Variants in DYM observed in about 807,000 individuals in gnomAD.
DYM encodes the protein dymeclin, also known as dyggve-Melchior-Clausen syndrome protein.
Under a neutral mutation model 93.1 loss-of-function variants are expected in DYM, and 78 were observed. The observed-to-expected ratio is 0.84, with a 90% confidence interval of 0.70 to 1.01. DYM has a LOEUF of 1.01. DYM is among the 50% of genes least tolerant of loss of function. The pLI is 0.00. For missense variants in DYM, 789 were observed against 845.0 expected (o/e 0.93, Z 0.82); for synonymous variants, 321 against 319.7 (o/e 1.00, Z -0.04).
chr18:49,408,649 A>G (rs1367479092), intron 2 of DYM, among the ~76,000 whole-genome samples: 2 of 152,234 alleles, frequency 1.3e-5, no homozygotes, highest in Non-Finnish European at 2.9e-5. Flanking sequence ...AAGCAAGCAT[A>G]AAGCTTTATT....
chr18:49,286,104 CTT>C (rs1350445353), intron 9 of DYM, among the ~76,000 whole-genome samples: 1 of 152,038 alleles, frequency 6.6e-6, no homozygotes, highest in African/African-American at 2.4e-5. Flanking sequence ...AGAACACAGA[CTT>C]TAACTGAAAA....
At chr18:49,213,314 G>A (rs1461662467) in intron 13 of DYM, among the ~76,000 whole-genome samples, 2 of 96,870 alleles carry the variant, frequency 2.1e-5, no homozygotes, top group South Asian at 6.2e-4. Context: ...TTTTTTTTTT[G>A]GAGATGGAGT....
At chr18:49,129,559 G>A (rs1210352621) in intron 15 of DYM, among the ~76,000 whole-genome samples, 1 of 152,214 alleles carries the variant, frequency 6.6e-6, no homozygotes, top group Non-Finnish European at 1.5e-5. Flanking sequence ...CAGCTAAAAT[G>A]TTGATGAATT....
chr18:49,106,424 ATG>A (rs1371873993), intron 16 of DYM, among the ~76,000 whole-genome samples: 1 of 152,124 alleles, frequency 6.6e-6, no homozygotes, highest in Admixed American at 6.5e-5. Context: ...TAATATTGTT[ATG>A]TGTGAATTTG....
At chr18:49,219,025 G>A (rs1444243862) in intron 13 of DYM, among the ~76,000 whole-genome samples, 2 of 152,040 alleles carry the variant, frequency 1.3e-5, no homozygotes, top group South Asian at 2.1e-4. Context: ...TAATAAAGAC[G>A]AAAACAGAGA....
intron 14 of DYM, among the ~76,000 whole-genome samples, chr18:49,190,029 C>A (rs1236066547): frequency 6.6e-6 from 1 of 152,210 alleles, no homozygotes; most frequent in Non-Finnish European, 1.5e-5. Context: ...CAATAGCTGC[C>A]TGCTACAGTA....
intron 15 of DYM, among the ~76,000 whole-genome samples, chr18:49,133,509 T>C (rs2083561572): frequency 6.6e-6 from 1 of 152,230 alleles, no homozygotes; most frequent in Non-Finnish European, 1.5e-5. Flanking sequence ...AGGGTTCTTT[T>C]CTGGGAGCTC....
intron 3 of DYM, among the ~76,000 whole-genome samples, chr18:49,387,330 G>A (rs2068733588): frequency 6.6e-6 from 1 of 152,142 alleles, no homozygotes; most frequent in Middle Eastern, 3.2e-3. Flanking sequence ...AGGCTGGAGT[G>A]CAAAGTTGTG....
intron 17 of DYM, among the ~76,000 whole-genome samples, chr18:49,094,911 GAAGGTAGTAGTA>G (rs1377435375): frequency 6.6e-6 from 1 of 152,204 alleles, no homozygotes; most frequent in Non-Finnish European, 1.5e-5. Context: ...TAACAACCCA[GAAGGTAGTAGTA>G]AAGAATTCTG....
intron 5 of DYM, among the ~76,000 whole-genome samples, chr18:49,364,386 A>G (rs2066317503): frequency 6.6e-6 from 1 of 152,074 alleles, no homozygotes; most frequent in Non-Finnish European, 1.5e-5. Context: ...AAGAGGTTGC[A>G]GTGAACTGAG....
intron 1 of DYM, among the ~76,000 whole-genome samples, chr18:49,450,110 G>C (rs537480156): frequency 6.6e-6 from 1 of 152,328 alleles, no homozygotes; most frequent in Admixed American, 6.5e-5. Context: ...AAAGGTTTAA[G>C]CAAGTTACAG....
In DYM at chr18:49,257,120, G is replaced by T. The variant is rs770433144; in HGVS notation, c.1366-16C>A. 2 of 1,592,546 alleles carry T rather than the reference G, an allele frequency of 1.3e-6. No homozygotes were observed. Among genetic ancestry groups the T allele is most frequent in the Non-Finnish European group, 1.7e-6 (2 of 1,160,490 alleles). ...GGTACTTGTCCTGTGAGGAAACAGC[G>T]GGTGTAAAACATACAATCAAGTCTT... On this transcript the variant is annotated splice_polypyrimidine_tract_variant and intron_variant, in intron 12 of 17. Transcript: ENST00000675505.
At chr18:49,246,588 G>A (rs772459323) in intron 13 of DYM, among the ~76,000 whole-genome samples, 1 of 152,112 alleles carries the variant, frequency 6.6e-6, no homozygotes, top group Non-Finnish European at 1.5e-5. Flanking sequence ...GTGTTCACTT[G>A]GACTGGTCAC....
At position 49,430,288 on chromosome 18, in the gene DYM, A is replaced by C. The variant is rs1357677302; in HGVS notation, c.107T>G (p.Leu36Arg). ...ISENDPFWNQ[L>R]LSFSFPAPTS... is the part of the protein sequence containing the mutation. ...TGGTGCAGGGAAAGAAAATGAGAGAAGCTGATTCCAGAACGGGTCATTCTC... is the reference window on the plus strand; with the variant it reads ...TGGTGCAGGGAAAGAAAATGAGAGACGCTGATTCCAGAACGGGTCATTCTC... The change falls in exon 2 of 18, where the codon CTT becomes CGT. Residue 36 changes from leucine (L) to arginine (R), a missense_variant. Leu to Arg is a moderately radical substitution (Grantham distance 102). Transcript: ENST00000675505. 1 of 1,614,060 alleles carries C rather than the reference A, an allele frequency of 6.2e-7. No homozygotes were observed. Among genetic ancestry groups the C allele is most frequent in the Non-Finnish European group, 8.5e-7 (1 of 1,179,994 alleles).
chr18:49,447,112 G>C (rs2082157430), intron 1 of DYM, among the ~76,000 whole-genome samples: 1 of 152,010 alleles, frequency 6.6e-6, no homozygotes, highest in Non-Finnish European at 1.5e-5. Context: ...GTTGGCCTGG[G>C]TGGATGTGGG....
chr18:49,398,106 T>TA (rs2147999461), intron 2 of DYM, among the ~76,000 whole-genome samples: 1 of 152,312 alleles, frequency 6.6e-6, no homozygotes, highest in African/African-American at 2.4e-5. Flanking sequence ...TTTTAAAAGA[T>TA]ATCGTCTTTT....
chr18:49,385,577 C>T (rs1878637767), intron 3 of DYM, among the ~76,000 whole-genome samples: 1 of 152,034 alleles, frequency 6.6e-6, no homozygotes, highest in African/African-American at 2.4e-5. Context: ...TGCCTGTAAT[C>T]CCAGCTACTT....
At chr18:49,378,968 G>A (rs973862109) in intron 4 of DYM, among the ~76,000 whole-genome samples, 5 of 151,970 alleles carry the variant, frequency 3.3e-5, no homozygotes, top group Non-Finnish European at 7.4e-5. Context: ...ACTGTTCTTT[G>A]TTCTTAATAG....
intron 6 of DYM, among the ~76,000 whole-genome samples, chr18:49,355,658 A>G (rs2065492774): frequency 6.6e-6 from 1 of 152,206 alleles, no homozygotes; most frequent in Non-Finnish European, 1.5e-5. Flanking sequence ...ACGGTGCAGA[A>G]GGCTATATGT....
Sources: gnomAD v4.1 joint callset for allele counts (sites outside exome capture counted in the v4.1 genomes callset) on GRCh38, gnomAD v4.1.1 for gene constraint, MANE v1.5 for transcripts, NCBI Gene and HGNC (gene_info 2026-07-23, HGNC 2026-07-21) for gene names.